The following PHRF1 variants were observed in gnomAD, a reference collection of about 807,000 sequenced individuals.
PHRF1 encodes the protein PHD and RING finger domain-containing protein 1.
In PHRF1, 53 loss-of-function variants were observed where a neutral mutation model predicts 128.9. That is an observed-to-expected ratio of 0.41 (90% CI 0.33 to 0.52). The LOEUF (loss-of-function observed/expected upper bound fraction) is 0.52, where lower values mean the gene tolerates loss of function less well. Among genes scored for constraint, PHRF1 ranks in the 20% least tolerant of loss-of-function variants. The pLI is 0.21. For missense variants in PHRF1, 2,503 were observed against 2,284.5 expected (o/e 1.10, Z -1.95); for synonymous variants, 1,178 against 980.6 (o/e 1.20, Z -3.76).
At chr11:603,886 A>G (rs1347214712) in intron 10 of PHRF1, among the ~76,000 whole-genome samples, 1 of 151,468 alleles carries the variant, frequency 6.6e-6, no homozygotes, top group East Asian at 2.0e-4. Flanking sequence ...TATTTTTAGT[A>G]GAGATGGGGT....
At chr11:584,707 CTTCTT>C in intron 3 of PHRF1, among the ~76,000 whole-genome samples, 1 of 141,976 alleles carries the variant, frequency 7.0e-6, no homozygotes, top group Non-Finnish European at 1.5e-5. Context: ...ACTGTGAACA[CTTCTT>C]TTTATTTCTC....
At position 605,742 on chromosome 11, in the gene PHRF1, C is replaced by A. The variant is rs367734268; in HGVS notation, c.1454+18C>A. On this transcript the variant is annotated intron_variant, in intron 12 of 17. Coordinates refer to ENST00000264555, the MANE Select transcript of PHRF1 (RefSeq NM_001286581.2). ...CTTTCCAGGTGTGTGAGGGCAGAGGCTTCTGGGGAGGTGGGGGCAGCAGTT... is the reference window on the plus strand; with the variant it reads ...CTTTCCAGGTGTGTGAGGGCAGAGGATTCTGGGGAGGTGGGGGCAGCAGTT... 6.3e-7 allele frequency: 1 copy of A among 1,597,212 alleles called. No homozygotes were observed. Among genetic ancestry groups the A allele is most frequent in the Non-Finnish European group, 8.5e-7 (1 of 1,176,010 alleles).
chr11:593,098 C>T (rs4963178), intron 6 of PHRF1, among the ~76,000 whole-genome samples: 7,204 of 152,292 alleles, frequency 0.047, 199 homozygotes, highest in Middle Eastern at 0.1. Context: ...TTATGCTGCA[C>T]CTGCTGCTCT....
rs1856432733 is a variant in PHRF1 at position 611,932 on chromosome 11, CG to C, written c.*158del. 8.0e-7 allele frequency: 1 copy of C among 1,248,956 alleles called. No individual in the cohort carries two copies. The highest frequency in any genetic ancestry group is 1.1e-6 in the Non-Finnish European group (1 of 922,264). The allele number at this position is 1,248,956 out of a possible 1,614,324, so 77.4% of individuals were successfully genotyped here. A position where few individuals can be genotyped will look rare whatever the true frequency, so the allele number is the denominator to read the frequency against. ...TGGGGGGCATCACCATGCCTGCCGT[CG>C]GGTTCCTGCGCTGACACCTGGTCTG... On this transcript the variant is annotated 3_prime_UTR_variant, in exon 18 of 18. Coordinates refer to ENST00000264555, the MANE Select transcript of PHRF1 (RefSeq NM_001286581.2).
chr11:576,613 G>A (rs1365974597), intron 1 of PHRF1, 21 bp downstream of exon 1: 1 of 150,606 alleles, frequency 6.6e-6, no homozygotes, highest in African/African-American at 2.4e-5. Context: ...CGGCCGCGCC[G>A]GCCCTGGGGG....
At chr11:587,539 C>A in intron 4 of PHRF1, 75 bp downstream of exon 4, 2 of 1,475,000 alleles carry the variant, frequency 1.4e-6, no homozygotes, top group Non-Finnish European at 1.9e-6. Flanking sequence ...AGCCTGTGTT[C>A]AGCCTCTTGT....
At position 584,729 on chromosome 11, in the gene PHRF1, C is replaced by CTTTT. The variant is rs869125196; in HGVS notation, c.215-2508_215-2505dup. 9.6e-4 allele frequency among the ~76,000 whole-genome samples: 87 copies of CTTTT among 90,300 alleles called. 1 individual carries two copies. The highest frequency in any genetic ancestry group is 2.0e-3 in the African/African-American group (43 of 21,022). The allele number at this position is 90,300 out of a possible 152,430, so 59.2% of individuals were successfully genotyped here. ...ACACTTCTTTTTATTTCTCCAGGAC[C>CTTTT]TTTTTTTTTTTTTTTTTTTTTTTTT... On this transcript the variant is annotated intron_variant, in intron 3 of 17. Transcript: ENST00000264555.
At chr11:578,502 C>T (rs1229207466) in intron 1 of PHRF1, among the ~76,000 whole-genome samples, 1 of 152,222 alleles carries the variant, frequency 6.6e-6, no homozygotes, top group East Asian at 1.9e-4. Flanking sequence ...AAACCCCACA[C>T]GGCCTCACTG....
intron 1 of PHRF1, among the ~76,000 whole-genome samples, chr11:579,623 T>C (rs1016716923): frequency 6.6e-6 from 1 of 152,166 alleles, no homozygotes; most frequent in South Asian, 2.1e-4. Flanking sequence ...GAGCAGGGCG[T>C]CTCTGCGGAG....
At chr11:601,748 C>T in intron 10 of PHRF1, 47 bp downstream of exon 10, 1 of 1,610,012 alleles carries the variant, frequency 6.2e-7, no homozygotes, top group Non-Finnish European at 8.5e-7. Flanking sequence ...GCCACAGCAC[C>T]CTCGCGTGGT....
intron 1 of PHRF1, 94 bp from the exon 2 acceptor site, chr11:581,397 CG>C: frequency 1.0e-6 from 1 of 993,264 alleles, no homozygotes; most frequent in Non-Finnish European, 1.5e-6. Flanking sequence ...GGATGTGACA[CG>C]GGGATGTGGC....
Position 598,417 on chromosome 11 carries a change from C to T in PHRF1, c.939C>T (p.Ile313=), listed in dbSNP as rs757516242. The change falls in exon 9 of 18, where the codon ATC becomes ATT. Residue 313 remains isoleucine (I), a synonymous_variant. Coordinates refer to ENST00000264555, the MANE Select transcript of PHRF1 (RefSeq NM_001286581.2). Reference sequence around the variant, plus strand: ...GGTCTTCCCTGCTGGATGAAGCCATCGAGGCTGTGGCGACTGGCCTGAGCA... The same window carrying T: ...GGTCTTCCCTGCTGGATGAAGCCATTGAGGCTGTGGCGACTGGCCTGAGCA... ...RLGSSLLDEA[I]EAVATGLSTA... The T allele has an allele frequency of 9.9e-6, 16 of 1,611,088 alleles. No individual in the cohort carries two copies. Among genetic ancestry groups the T allele is most frequent in the Admixed American group, 3.3e-5 (2 of 59,964 alleles).
rs893381004 is a variant in PHRF1 at position 608,101 on chromosome 11, A to G, written c.2645A>G (p.Tyr882Cys). 3 of 1,611,676 alleles carry G rather than the reference A, an allele frequency of 1.9e-6. No individual in the cohort carries two copies. The African/African-American group carries it at 4.0e-5, about 22-fold the overall frequency. ...TVQAVRCVTSYTVESIFGTEP... is the reference protein window; with the variant it reads ...TVQAVRCVTSCTVESIFGTEP... ...CAGGCTGTGCGCTGCGTCACCTCCTACACGGTGGAGAGCATCTTTGGTACA... is the reference window on the plus strand; with the variant it reads ...CAGGCTGTGCGCTGCGTCACCTCCTGCACGGTGGAGAGCATCTTTGGTACA... The change falls in exon 14 of 18, where the codon TAC becomes TGC. Residue 882 changes from tyrosine (Y) to cysteine (C), a missense_variant. Physicochemically the swap from Tyr to Cys is radical, Grantham distance 194. Coordinates refer to ENST00000264555, the MANE Select transcript of PHRF1 (RefSeq NM_001286581.2).
At chr11:578,887 T>G (rs1466846535) in intron 1 of PHRF1, among the ~76,000 whole-genome samples, 1 of 152,154 alleles carries the variant, frequency 6.6e-6, no homozygotes, top group Admixed American at 6.5e-5. Flanking sequence ...AGTCTCACTC[T>G]GTCGCCCAGT....
At chr11:610,419 G>C in intron 15 of PHRF1, 72 bp downstream of exon 15, 1 of 1,540,782 alleles carries the variant, frequency 6.5e-7, no homozygotes, top group Admixed American at 1.9e-5. Context: ...CACCACACTA[G>C]GCTGGGGCTG....
chr11:584,115 T>C (rs1854382411), intron 3 of PHRF1, among the ~76,000 whole-genome samples: 1 of 152,208 alleles, frequency 6.6e-6, no homozygotes, highest in African/African-American at 2.4e-5. Flanking sequence ...GTTGGCCGTG[T>C]CCTTCCAGAG....
At chr11:606,648 G>GCA (rs1855965242) in intron 13 of PHRF1, 52 bp downstream of exon 13, 1 of 1,549,630 alleles carries the variant, frequency 6.5e-7, no homozygotes, top group African/African-American at 1.4e-5. Context: ...CTGGTCCTCA[G>GCA]GCTGTTCGCA....
intron 12 of PHRF1, 75 bp downstream of exon 12, chr11:605,799 G>T (rs192294553): frequency 2.0e-6 from 3 of 1,500,616 alleles, no homozygotes; most frequent in South Asian, 1.3e-5. Flanking sequence ...GGGTGGGGCC[G>T]TGATAGCCTG....
At chr11:593,560 T>G (rs1029940646) in intron 6 of PHRF1, among the ~76,000 whole-genome samples, 1 of 152,244 alleles carries the variant, frequency 6.6e-6, no homozygotes, top group Admixed American at 6.5e-5. Flanking sequence ...ACCTCGTTGT[T>G]AGCCACATAC....
Sources: allele counts gnomAD v4.1 joint callset (sites outside exome capture counted in the v4.1 genomes callset), GRCh38; gene constraint gnomAD v4.1.1; transcripts MANE v1.5; gene names NCBI Gene and HGNC (gene_info 2026-07-23, HGNC 2026-07-21).